Variants in ERN2 observed in about 807,000 individuals in gnomAD.
ERN2 encodes the protein serine/threonine-protein kinase/endoribonuclease IRE2.
Under a neutral mutation model 107.9 loss-of-function variants are expected in ERN2, and 111 were observed. The observed-to-expected ratio is 1.03, with a 90% CI of 0.88 to 1.20. The LOEUF (loss-of-function observed/expected upper bound fraction) is 1.20, where lower values mean the gene tolerates loss of function less well. ERN2 is among the 50% of genes most tolerant of loss of function. ERN2 has a pLI of 0.00. For missense variants in ERN2, 1,225 were observed against 1,197.9 expected (o/e 1.02, Z -0.33); for synonymous variants, 524 against 501.7 (o/e 1.04, Z -0.59).
Position 23,701,096 on chromosome 16 carries a change from C to T in ERN2, c.1222G>A (p.Glu408Lys), listed in dbSNP as rs1450688680. Reference sequence around the variant, plus strand: ...TGCAGCTCGGAGTCCCAAAGTTTCTCTCGGCTCAGGCTCAATAGCTGGGGA... The same window carrying T: ...TGCAGCTCGGAGTCCCAAAGTTTCTTTCGGCTCAGGCTCAATAGCTGGGGA... ...FFLELLSLSR[E>K]KLWDSELHPE... Residue 408 changes from glutamate to lysine, a missense_variant, in exon 12 of 22, where the codon GAG (glutamate) becomes AAG (lysine). By Grantham distance (56) the Glu-to-Lys change is moderately conservative (BLOSUM62 1). Transcript: ENST00000256797. The T allele has an allele frequency of 6.2e-7, 1 of 1,614,040 alleles. No homozygotes were observed. The highest frequency in any genetic ancestry group is 1.7e-5 in the Admixed American group (1 of 59,986).
Position 23,694,915 on chromosome 16 carries a change from A to C in ERN2, c.1913T>G (p.Leu638Arg). The stretch of plus-strand genomic sequence containing the variant: ...GGTGATGAGAATATTTCCTGGCTTC[A>C]GGTCCCGGTGCACTGTGGGAGAGGG... ...LHSLHIVHRD[L>R]KPGNILITGP... The change falls in exon 17 of 22, where the codon CTG (leucine) becomes CGG (arginine). Residue 638 changes from leucine (L) to arginine (R), a missense_variant. Transcript: ENST00000256797. 1 of 1,614,190 alleles carries C rather than the reference A, an allele frequency of 6.2e-7. No individual in the cohort carries two copies. Among genetic ancestry groups the C allele is most frequent in the Non-Finnish European group, 8.5e-7 (1 of 1,180,020 alleles).
chr16:23,704,786 C>T (rs1188941697), intron 8 of ERN2, 97 bp downstream of exon 8: 1 of 1,317,620 alleles, frequency 7.6e-7, no homozygotes, highest in Non-Finnish European at 1.1e-6. Context: ...TTCAGCGGTA[C>T]TGGTGTGTCA....
chr16:23,702,747 T>TG, intron 8 of ERN2, 45 bp from the exon 9 acceptor site: 1 of 1,528,360 alleles, frequency 6.5e-7, no homozygotes, highest in Non-Finnish European at 9.1e-7. Context: ...ATGCTGGTGA[T>TG]GGGTAGTTTC....
intron 10 of ERN2, 46 bp downstream of exon 10, chr16:23,702,344 G>A (rs953255165): frequency 1.2e-6 from 2 of 1,611,180 alleles, no homozygotes; most frequent in Non-Finnish European, 1.7e-6. Flanking sequence ...TGGGCTCACA[G>A]GTTCTTTATC....
At position 23,711,092 on chromosome 16, in the gene ERN2, C is replaced by T. The variant is rs558043227; in HGVS notation, c.94-74G>A. The stretch of plus-strand genomic sequence containing the variant: ...CCCTTTGCTCCTGTCCCAAGCAGGG[C>T]TGGCCATGACTCCCCTTCCCCCAGA... On this transcript the variant is annotated intron_variant, in intron 1 of 21. Transcript: ENST00000256797. The T allele has an allele frequency of 6.3e-6, 6 of 951,370 alleles. No individual in the cohort carries two copies. The South Asian group carries it at 8.2e-5, about 13-fold the overall frequency. 58.9% of individuals were successfully genotyped at this position (951,370 alleles called of 1,614,324 possible).
rs777248870 is a variant in ERN2 at position 23,702,704 on chromosome 16, T to C, written c.855-2A>G. 16 of 1,612,822 alleles carry C rather than the reference T, an allele frequency of 9.9e-6. No individual in the cohort carries two copies. Among genetic ancestry groups the C allele is most frequent in the East Asian group, 2.2e-5 (1 of 44,890 alleles). On this transcript the variant is annotated splice_acceptor_variant, in intron 8 of 21. Coordinates refer to ENST00000256797, the MANE Select transcript of ERN2 (RefSeq NM_033266.4). LOFTEE classifies it high-confidence loss of function. ...TCCTTCCCCACATACAGCGTCATTCTAGTGGGAGAGAAGAAAAAGAAGAGA... is the reference window on the plus strand; with the variant it reads ...TCCTTCCCCACATACAGCGTCATTCCAGTGGGAGAGAAGAAAAAGAAGAGA...
At chr16:23,696,021 C>A in intron 13 of ERN2, 43 bp from the exon 14 acceptor site, 1 of 1,483,096 alleles carries the variant, frequency 6.7e-7, no homozygotes, top group Non-Finnish European at 9.4e-7. Flanking sequence ...CTCTGCCCAC[C>A]TTTGCCGGCC....
At chr16:23,692,352 A>T in intron 17 of ERN2, 21 bp from the exon 18 acceptor site, 4 of 1,608,636 alleles carry the variant, frequency 2.5e-6, no homozygotes, top group Non-Finnish European at 3.4e-6. Flanking sequence ...AGAGATGGGC[A>T]TGAGAAGGAA....
chr16:23,710,146 A>G lies in ERN2; in HGVS notation c.306+26T>C, dbSNP rs376988863. On this transcript the variant is annotated intron_variant, in intron 4 of 21. Coordinates refer to ENST00000256797, the MANE Select transcript of ERN2 (RefSeq NM_033266.4). ...CTGACGAAAGCCCTGGCTCTCACCC[A>G]TTCCCGAACACCATGGGATACAAAC... 242 of 1,570,182 alleles carry G rather than the reference A, an allele frequency of 1.5e-4. 5 individuals carry two copies. The South Asian group carries it at 2.5e-3, about 16-fold the overall frequency.
At chr16:23,697,847 C>G (rs1396894044) in intron 13 of ERN2, among the ~76,000 whole-genome samples, 2 of 152,122 alleles carry the variant, frequency 1.3e-5, no homozygotes, top group African/African-American at 4.8e-5. Context: ...ACCTCGAACT[C>G]CTGGGCTCAA....
chr16:23,697,760 G>T (rs1959889525), intron 13 of ERN2, among the ~76,000 whole-genome samples: 1 of 151,986 alleles, frequency 6.6e-6, no homozygotes, highest in Admixed American at 6.6e-5. Context: ...TTTTGTCGTT[G>T]TTGTTGTTGT....
At chr16:23,698,079 G>C (rs992822861) in intron 13 of ERN2, among the ~76,000 whole-genome samples, 1 of 152,172 alleles carries the variant, frequency 6.6e-6, no homozygotes, top group Non-Finnish European at 1.5e-5. Flanking sequence ...ATTACCTCTG[G>C]AAATCCTGCA....
Position 23,690,854 on chromosome 16 carries a change from A to G in ERN2, c.2758T>C (p.Cys920Arg), listed in dbSNP as rs151189213. 38 of 1,612,728 alleles carry G rather than the reference A, an allele frequency of 2.4e-5. No individual in the cohort carries two copies. Among genetic ancestry groups the G allele is most frequent in the African/African-American group, 1.6e-4 (12 of 74,936 alleles). ...YPPDSEARRP[C>R]PGATGR The stretch of plus-strand genomic sequence containing the variant: ...CCTCACCTCCCTGTGGCCCCAGGGC[A>G]TGGCCTCCTGGCCTCTGAGTCTGGC... Residue 920 changes from cysteine to arginine, a missense_variant, in exon 22 of 22, where the codon TGC becomes CGC. By Grantham distance (180) the Cys-to-Arg change is radical (BLOSUM62 -3). Coordinates refer to ENST00000256797, the MANE Select transcript of ERN2 (RefSeq NM_033266.4).
In ERN2 at chr16:23,695,189, A is replaced by G. The variant is rs201392841; in HGVS notation, c.1800+11T>C. 8.7e-6 allele frequency: 14 copies of G among 1,613,926 alleles called. No homozygotes were observed. The East Asian group carries it at 2.9e-4, about 33-fold the overall frequency. ...TCCCACTCACCCTCCCTGAACCGCAATGCAACTCACCTCCTGCAAGGAGGC... is the reference window on the plus strand; with the variant it reads ...TCCCACTCACCCTCCCTGAACCGCAGTGCAACTCACCTCCTGCAAGGAGGC... On this transcript the variant is annotated intron_variant, in intron 15 of 21. Coordinates refer to ENST00000256797, the MANE Select transcript of ERN2 (RefSeq NM_033266.4).
At chr16:23,705,914 A>C (rs1277874195) in intron 7 of ERN2, among the ~76,000 whole-genome samples, 1 of 152,094 alleles carries the variant, frequency 6.6e-6, no homozygotes, top group Admixed American at 6.5e-5. Context: ...ACCCCATCTC[A>C]CAAAAAATGG....
chr16:23,694,297 A>G (rs1008603486), intron 17 of ERN2, among the ~76,000 whole-genome samples: 1 of 152,132 alleles, frequency 6.6e-6, no homozygotes, highest in East Asian at 1.9e-4. Context: ...GCACCCGGCA[A>G]TGGGCATTCT....
At chr16:23,697,993 T>C (rs1959898868) in intron 13 of ERN2, among the ~76,000 whole-genome samples, 1 of 151,958 alleles carries the variant, frequency 6.6e-6, no homozygotes, top group Non-Finnish European at 1.5e-5. Flanking sequence ...CAAGCAATCC[T>C]CCCACCTAAG....
Position 23,695,058 on chromosome 16 carries a change from G to T in ERN2, c.1861C>A (p.Leu621Met), listed in dbSNP as rs753107633. 2.5e-6 allele frequency: 4 copies of T among 1,613,780 alleles called. No individual in the cohort carries two copies. The highest frequency in any genetic ancestry group is 3.4e-6 in the Non-Finnish European group (4 of 1,179,864). ...GLEPEVVLQQ[L>M]MSGLAHLHSL... ...TGCAGGTGGGCCAGGCCAGACATCA[G>T]CTGCTGCAGCACGACCTCGGGCTCC... Residue 621 changes from leucine (L) to methionine (M), a missense_variant, in exon 16 of 22, where the codon CTG becomes ATG. Coordinates refer to ENST00000256797, the MANE Select transcript of ERN2 (RefSeq NM_033266.4).
chr16:23,696,243 C>G (rs991893748), intron 13 of ERN2, among the ~76,000 whole-genome samples: 1 of 152,192 alleles, frequency 6.6e-6, no homozygotes, highest in Non-Finnish European at 1.5e-5. Flanking sequence ...AGCTAAAGAG[C>G]CCACACAATA....
Sources: gnomAD v4.1 joint callset for allele counts (sites outside exome capture counted in the v4.1 genomes callset) on GRCh38, gnomAD v4.1.1 for gene constraint, MANE v1.5 for transcripts, NCBI Gene and HGNC (gene_info 2026-07-23, HGNC 2026-07-21) for gene names.